The following CRISPLD2 variants were observed in gnomAD, a reference collection of about 807,000 sequenced individuals.
CRISPLD2 encodes the protein cysteine-rich secretory protein LCCL domain-containing 2.
CRISPLD2 carries 47 observed loss-of-function variants against 71.1 expected under a neutral mutation model. That is an observed-to-expected ratio of 0.66 (90% CI 0.52 to 0.84). CRISPLD2 has a LOEUF of 0.84. CRISPLD2 is among the 40% of genes least tolerant of loss of function. The pLI, the probability that CRISPLD2 is intolerant of heterozygous loss-of-function variation, is 0.00. For missense variants in CRISPLD2, 830 were observed against 651.1 expected, an observed-to-expected ratio of 1.27 and a Z score of -2.99; for synonymous variants, 317 against 250.1, an observed-to-expected ratio of 1.27 and a Z score of -2.52.
intron 14 of CRISPLD2, among the ~76,000 whole-genome samples, chr16:84,900,579 C>T (rs7197733): frequency 0.21 from 32,236 of 151,504 alleles, 5,510 homozygotes; most frequent in East Asian, 0.48. Context: ...CGCACAGCCC[C>T]GTTGTCATTG....
intron 13 of CRISPLD2, among the ~76,000 whole-genome samples, chr16:84,886,788 C>T (rs544871991): frequency 6.6e-5 from 10 of 152,344 alleles, no homozygotes; most frequent in African/African-American, 2.2e-4. Flanking sequence ...GCACTTCAGC[C>T]TGGGTGACAA....
intron 6 of CRISPLD2, among the ~76,000 whole-genome samples, chr16:84,855,151 T>C (rs1461680993): frequency 6.6e-6 from 1 of 152,098 alleles, no homozygotes; most frequent in Non-Finnish European, 1.5e-5. Flanking sequence ...CACAGTTTCA[T>C]ATAAAATAGG....
chr16:84,833,693 G>A (rs1427165397), intron 1 of CRISPLD2, among the ~76,000 whole-genome samples: 1 of 152,166 alleles, frequency 6.6e-6, no homozygotes, highest in Non-Finnish European at 1.5e-5. Context: ...TCATATCTGG[G>A]TCAAAGGCGA....
intron 1 of CRISPLD2, among the ~76,000 whole-genome samples, chr16:84,830,970 G>C (rs1187482672): frequency 6.6e-6 from 1 of 152,198 alleles, no homozygotes; most frequent in East Asian, 1.9e-4. Context: ...AACACCGCAA[G>C]GCAGGCTGGT....
At chr16:84,865,770 A>G (rs565558540) in intron 6 of CRISPLD2, among the ~76,000 whole-genome samples, 129 of 152,308 alleles carry the variant, frequency 8.5e-4, no homozygotes, top group African/African-American at 3.1e-3. Flanking sequence ...GCCTGATTGC[A>G]GATTCTGGTG....
chr16:84,825,778 A>T (rs189773352), intron 1 of CRISPLD2, among the ~76,000 whole-genome samples: 12 of 150,532 alleles, frequency 8.0e-5, no homozygotes, highest in South Asian at 6.2e-4. Context: ...AATAAATAAA[A>T]ATAAATACAT....
intron 2 of CRISPLD2, chr16:84,839,675 T>C (rs548663474): frequency 1.1e-4 from 17 of 152,450 alleles, no homozygotes; most frequent in African/African-American, 4.1e-4. Flanking sequence ...TGGCTGGTTT[T>C]CCAGAACTAC....
intron 14 of CRISPLD2, among the ~76,000 whole-genome samples, chr16:84,889,628 T>C (rs898024832): frequency 6.6e-6 from 1 of 152,090 alleles, no homozygotes; most frequent in African/African-American, 2.4e-5. Flanking sequence ...TGGACGTTTT[T>C]GTAGAAAATT....
chr16:84,854,977 G>T, intron 6 of CRISPLD2, 148 bp downstream of exon 6: 1 of 672,276 alleles, frequency 1.5e-6, no homozygotes, highest in Middle Eastern at 2.4e-4. Context: ...TCCCGCCTCC[G>T]TGATGAGCTG....
At chr16:84,882,461 A>G (rs2071577459) in intron 13 of CRISPLD2, among the ~76,000 whole-genome samples, 1 of 151,476 alleles carries the variant, frequency 6.6e-6, no homozygotes, top group Admixed American at 6.6e-5. Flanking sequence ...CCCAGGCTGG[A>G]GTGCAATTGC....
intron 14 of CRISPLD2, among the ~76,000 whole-genome samples, chr16:84,890,963 C>T (rs1597482327): frequency 2.6e-5 from 4 of 152,108 alleles, no homozygotes; most frequent in African/African-American, 7.2e-5. Flanking sequence ...GATTGGATCT[C>T]GCCCTGTTGG....
In CRISPLD2 at chr16:84,907,128, C is replaced by G. The variant is rs1402053186; in HGVS notation, c.*486C>G. On this transcript the variant is annotated 3_prime_UTR_variant, in exon 15 of 15. Coordinates refer to ENST00000262424, the MANE Select transcript of CRISPLD2 (RefSeq NM_031476.4). ...GGTAGTTATTTAAAAATAAAAAACACAGTCCGTCCCTACCAATAGAGGAAA... is the reference window on the plus strand; with the variant it reads ...GGTAGTTATTTAAAAATAAAAAACAGAGTCCGTCCCTACCAATAGAGGAAA... 5.6e-6 allele frequency: 1 copy of G among 178,266 alleles called. No individual in the cohort carries two copies. The highest frequency in any genetic ancestry group is 5.9e-5 in the Admixed American group (1 of 16,846). 11.0% of individuals were successfully genotyped at this position (178,266 alleles called of 1,614,324 possible). A position where few individuals can be genotyped will look rare whatever the true frequency, so the allele number is the denominator to read the frequency against.
intron 7 of CRISPLD2, among the ~76,000 whole-genome samples, chr16:84,867,560 CAG>C (rs1917575594): frequency 6.6e-6 from 1 of 152,180 alleles, no homozygotes; most frequent in Non-Finnish European, 1.5e-5. Flanking sequence ...GAGATCATTG[CAG>C]AGTTGCCTAC....
rs146313900 is a variant in CRISPLD2 at position 84,876,733 on chromosome 16, A to C, written c.1157-705A>C. 6.9e-3 allele frequency among the ~76,000 whole-genome samples: 1,045 copies of C among 152,334 alleles called. 83 individuals are homozygous for C. The East Asian group carries it at 0.18, about 27-fold the overall frequency. On this transcript the variant is annotated intron_variant, in intron 11 of 14. Coordinates refer to ENST00000262424, the MANE Select transcript of CRISPLD2 (RefSeq NM_031476.4). ...AGTTGAACTCAGGGGTGGAGGTTGC[A>C]GTGAGCCAAGATCGTGCCGTTTCAC...
intron 2 of CRISPLD2, among the ~76,000 whole-genome samples, chr16:84,844,685 C>A (rs1025705828): frequency 6.6e-6 from 1 of 152,114 alleles, no homozygotes. Flanking sequence ...TTTCTATCTT[C>A]CAACTGAAAT....
At chr16:84,869,766 C>T (rs551986381) in intron 8 of CRISPLD2, among the ~76,000 whole-genome samples, 260 of 152,388 alleles carry the variant, frequency 1.7e-3, no homozygotes, top group African/African-American at 5.8e-3. Flanking sequence ...TGCACTGCCC[C>T]GTCTGGGCTG....
intron 6 of CRISPLD2, 127 bp downstream of exon 6, chr16:84,854,956 CA>C: frequency 1.4e-6 from 1 of 726,358 alleles, no homozygotes; most frequent in Admixed American, 2.0e-5. Context: ...AAGACGCTCT[CA>C]GCACATTCCT....
chr16:84,876,993 G>C (rs2071524600), intron 11 of CRISPLD2, among the ~76,000 whole-genome samples: 1 of 152,274 alleles, frequency 6.6e-6, no homozygotes, highest in African/African-American at 2.4e-5. Flanking sequence ...TAGGTGGTAT[G>C]TCAGAAGGAG....
intron 6 of CRISPLD2, among the ~76,000 whole-genome samples, chr16:84,863,758 C>T (rs1375883135): frequency 6.6e-6 from 1 of 151,934 alleles, no homozygotes; most frequent in Non-Finnish European, 1.5e-5. Context: ...TCACCGAGGT[C>T]GGGAGTTTGA....
Sources: gnomAD v4.1 joint callset for allele counts (sites outside exome capture counted in the v4.1 genomes callset) on GRCh38, gnomAD v4.1.1 for gene constraint, MANE v1.5 for transcripts, NCBI Gene and HGNC (gene_info 2026-07-23, HGNC 2026-07-21) for gene names.